Variants in RALYL observed in about 807,000 individuals in gnomAD.
The protein encoded by RALYL is RALY RNA binding protein like, also known as RNA-binding Raly-like protein.
RALYL carries 29 observed loss-of-function variants against 35.1 expected under a neutral mutation model. That is an observed-to-expected ratio of 0.83 (90% CI 0.61 to 1.13). The LOEUF is 1.13. Ranked by LOEUF, RALYL falls within the 50% of genes most tolerant of loss-of-function variation. The pLI is 0.00. For synonymous variants in RALYL, 120 were observed against 127.6 expected (o/e 0.94, Z 0.40); for missense variants, 359 against 360.4 (o/e 1.00, Z 0.03).
chr8:84,401,408 C>G (rs933682225), intron 1 of RALYL, among the ~76,000 whole-genome samples: 1 of 151,732 alleles, frequency 6.6e-6, no homozygotes, highest in African/African-American at 2.4e-5. Flanking sequence ...GAGGCCGAGG[C>G]GGGCGGATCA....
intron 2 of RALYL, among the ~76,000 whole-genome samples, chr8:84,624,636 C>T (rs1350849977): frequency 6.6e-6 from 1 of 152,188 alleles, no homozygotes; most frequent in Admixed American, 6.5e-5. Flanking sequence ...TTAATGCCAT[C>T]TGCAAAGGCC....
chr8:84,190,465 CAG>C (rs1351137819), intron 1 of RALYL, among the ~76,000 whole-genome samples: 8 of 152,102 alleles, frequency 5.3e-5, no homozygotes, highest in African/African-American at 1.9e-4. Flanking sequence ...ATAGTGGAAA[CAG>C]TGTGAATGCA....
At chr8:84,870,015 T>C (rs2135189709) in intron 6 of RALYL, among the ~76,000 whole-genome samples, 1 of 152,326 alleles carries the variant, frequency 6.6e-6, no homozygotes, top group South Asian at 2.1e-4. Context: ...GACTTATTTT[T>C]AAAAACAAAG....
chr8:84,712,796 A>T (rs139010202), intron 2 of RALYL, among the ~76,000 whole-genome samples: 33 of 148,762 alleles, frequency 2.2e-4, no homozygotes, highest in Middle Eastern at 6.9e-3. Context: ...TAAAAGAATT[A>T]TACATGTGAA....
intron 1 of RALYL, among the ~76,000 whole-genome samples, chr8:84,267,808 T>G (rs953835776): frequency 3.3e-5 from 5 of 152,188 alleles, no homozygotes; most frequent in African/African-American, 1.2e-4. Context: ...GGCACAAGAA[T>G]TGAGAGGTGT....
At chr8:84,447,401 G>A (rs2048967979) in intron 1 of RALYL, among the ~76,000 whole-genome samples, 1 of 151,866 alleles carries the variant, frequency 6.6e-6, no homozygotes, top group Admixed American at 6.6e-5. Flanking sequence ...GGCCTGCTTG[G>A]TCTTGGAGCT....
intron 6 of RALYL, among the ~76,000 whole-genome samples, chr8:84,871,892 G>A (rs754572387): frequency 9.9e-5 from 15 of 151,852 alleles, no homozygotes; most frequent in Non-Finnish European, 1.9e-4. Flanking sequence ...TATCTTAATC[G>A]ACAAATAGTT....
intron 8 of RALYL, 97 bp downstream of exon 8, chr8:84,887,873 C>A: frequency 9.4e-7 from 1 of 1,064,310 alleles, no homozygotes; most frequent in South Asian, 1.6e-5. Flanking sequence ...TCATTTGGGG[C>A]TTATTTCTCT....
chr8:84,394,700 T>A (rs58010882), intron 1 of RALYL, among the ~76,000 whole-genome samples: 4,304 of 152,046 alleles, frequency 0.028, 200 homozygotes, highest in African/African-American at 0.098. Context: ...AAACCCATGA[T>A]TGTTTTTAAA....
At chr8:84,847,571 G>T (rs867868302) in intron 4 of RALYL, among the ~76,000 whole-genome samples, 1 of 152,132 alleles carries the variant, frequency 6.6e-6, no homozygotes, top group Non-Finnish European at 1.5e-5. Context: ...CTTAGGGTTT[G>T]ATGGTAGCCA....
chr8:84,246,987 C>T (rs527965908), intron 1 of RALYL, among the ~76,000 whole-genome samples: 4 of 152,266 alleles, frequency 2.6e-5, no homozygotes, highest in South Asian at 4.1e-4. Context: ...TTTGTATTTA[C>T]TAGTTGCATG....
At chr8:84,807,074 T>C (rs1436428127) in intron 4 of RALYL, among the ~76,000 whole-genome samples, 1 of 152,150 alleles carries the variant, frequency 6.6e-6, no homozygotes, top group African/African-American at 2.4e-5. Flanking sequence ...GTAAGTTCTT[T>C]AGTGGTGATT....
chr8:84,554,008 T>C (rs930253012), intron 2 of RALYL, among the ~76,000 whole-genome samples: 1 of 152,196 alleles, frequency 6.6e-6, no homozygotes, highest in Admixed American at 6.5e-5. Context: ...AACAAAGAAT[T>C]AATCTGACAT....
chr8:84,568,169 G>T, intron 2 of RALYL, among the ~76,000 whole-genome samples: 1 of 2,888 alleles, frequency 3.5e-4, no homozygotes, highest in African/African-American at 8.5e-4. Flanking sequence ...ATTTACATTA[G>T]GTATATCTCC....
chr8:84,668,313 C>G (rs1832483043), intron 2 of RALYL, among the ~76,000 whole-genome samples: 1 of 152,120 alleles, frequency 6.6e-6, no homozygotes, highest in Admixed American at 6.6e-5. Context: ...GTAATAAATT[C>G]TGCCTGAGTG....
chr8:84,374,451 A>G (rs1856527925), intron 1 of RALYL, among the ~76,000 whole-genome samples: 3 of 151,986 alleles, frequency 2.0e-5, no homozygotes, highest in Admixed American at 2.0e-4. Flanking sequence ...TATTTACAAT[A>G]GCAAAGACAT....
At chr8:84,892,758 A>G (rs945401867) in intron 8 of RALYL, among the ~76,000 whole-genome samples, 4 of 152,270 alleles carry the variant, frequency 2.6e-5, no homozygotes, top group Middle Eastern at 3.4e-3. Flanking sequence ...GAAAAACTAA[A>G]CAAAAAACAA....
intron 2 of RALYL, among the ~76,000 whole-genome samples, chr8:84,730,018 T>A (rs568882011): frequency 6.6e-6 from 1 of 152,136 alleles, no homozygotes; most frequent in African/African-American, 2.4e-5. Context: ...GAGGGAATCT[T>A]CCCTAACTCA....
At chr8:84,871,868 T>C (rs1214552969) in intron 6 of RALYL, among the ~76,000 whole-genome samples, 1 of 152,190 alleles carries the variant, frequency 6.6e-6, no homozygotes, top group Non-Finnish European at 1.5e-5. Flanking sequence ...ACATATCATG[T>C]ATATTATATC....
Sources: gnomAD v4.1 joint callset for allele counts (sites outside exome capture counted in the v4.1 genomes callset) on GRCh38, gnomAD v4.1.1 for gene constraint, MANE v1.5 for transcripts, NCBI Gene and HGNC (gene_info 2026-07-23, HGNC 2026-07-21) for gene names.